PLIN3: variants seen among roughly 807,000 people sequenced by gnomAD.
PLIN3 encodes the protein perilipin-3.
A neutral mutation model predicts 35.9 loss-of-function variants in PLIN3; 30 were observed. The ratio of observed to expected loss-of-function variants is 0.84; its 90% confidence interval spans 0.62 to 1.13. The LOEUF (loss-of-function observed/expected upper bound fraction) is 1.13. PLIN3 is among the 50% of genes most tolerant of loss of function. The pLI is 0.00. For missense variants in PLIN3, 603 were observed against 596.9 expected (o/e 1.01, Z -0.11); for synonymous variants, 261 against 262.5 (o/e 0.99, Z 0.06).
At chr19:4,863,996 G>A (rs1249438753) in intron 1 of PLIN3, among the ~76,000 whole-genome samples, 1 of 151,892 alleles carries the variant, frequency 6.6e-6, no homozygotes, top group African/African-American at 2.4e-5. Flanking sequence ...GTAGTGGTGC[G>A]ATCTTGGCTC....
chr19:4,861,343 C>G lies in PLIN3; in HGVS notation c.52G>C (p.Glu18Gln). Residue 18 changes from glutamate (E) to glutamine (Q), a missense_variant, in exon 2 of 8, where the codon GAA (glutamate) becomes CAA (glutamine). Coordinates refer to ENST00000221957, the MANE Select transcript of PLIN3 (RefSeq NM_005817.5). ...CCCTTCCTCACCTGCTGTACCGGTT[C>G]TTCCACTGTCACCTGGGTGCTGCCA... ...ADGSTQVTVE[E>Q]PVQQPSVVDR... is the part of the protein sequence containing the mutation. The G allele has an allele frequency of 6.2e-7, 1 of 1,613,420 alleles. No individual in the cohort carries two copies. Among genetic ancestry groups the G allele is most frequent in the South Asian group, 1.1e-5 (1 of 90,994 alleles).
rs186210004 is a variant in PLIN3, at chr19:4,839,170, C to T, written c.*22G>A. 1.3e-4 allele frequency: 209 copies of T among 1,566,662 alleles called. 2 individuals are homozygous for T. The East Asian group carries it at 4.2e-3, about 31-fold the overall frequency. On this transcript the variant is annotated 3_prime_UTR_variant, in exon 8 of 8. Coordinates refer to ENST00000221957, the MANE Select transcript of PLIN3 (RefSeq NM_005817.5). ...ACAGCTGCATTATAGAGACGGGGCC[C>T]GCTGAGTCCTCTCCTCTCCCCCTAC... is the stretch of plus-strand genomic sequence containing the variant.
intron 7 of PLIN3, among the ~76,000 whole-genome samples, chr19:4,843,292 G>A (rs2029967675): frequency 6.6e-6 from 1 of 151,802 alleles, no homozygotes; most frequent in South Asian, 2.1e-4. Flanking sequence ...GGATCACAAG[G>A]TCAGCAGATC....
At chr19:4,843,629 C>T (rs767652962) in intron 7 of PLIN3, among the ~76,000 whole-genome samples, 57 of 151,928 alleles carry the variant, frequency 3.8e-4, no homozygotes, top group Admixed American at 7.2e-4. Context: ...ACCAGGAGCT[C>T]AAGACCAGCC....
chr19:4,865,184 T>C lies in PLIN3; in HGVS notation c.-18+2425A>G, dbSNP rs540281359. Reference sequence around the variant, plus strand: ...TCCAGCCTGGGTGACAGAGGAAGACTCCATCTCAAAGAAAAAAGAAAAAGC... The same window carrying C: ...TCCAGCCTGGGTGACAGAGGAAGACCCCATCTCAAAGAAAAAAGAAAAAGC... On this transcript the variant is annotated intron_variant, in intron 1 of 7. Transcript: ENST00000221957. 1.0e-4 allele frequency among the ~76,000 whole-genome samples: 15 copies of C among 150,228 alleles called. No homozygotes were observed. In the South Asian group the frequency reaches 3.2e-3, roughly 32 times the overall value.
chr19:4,857,216 T>A (rs954117041), intron 4 of PLIN3, among the ~76,000 whole-genome samples: 1 of 152,114 alleles, frequency 6.6e-6, no homozygotes, highest in East Asian at 1.9e-4. Flanking sequence ...GGCAGGAGGA[T>A]TGCTTGAGCC....
intron 4 of PLIN3, among the ~76,000 whole-genome samples, chr19:4,857,293 C>A (rs10415753): frequency 0.025 from 3,785 of 151,866 alleles, 151 homozygotes; most frequent in African/African-American, 0.085. Context: ...CAAAAATTAG[C>A]CAGGCGTGGT....
Position 4,861,370 on chromosome 19 carries a change from C to T in PLIN3, c.25G>A (p.Asp9Asn), listed in dbSNP as rs141858591. MSADGAEA[D>N]GSTQVTVEEP... ...TCCACTGTCACCTGGGTGCTGCCAT[C>T]AGCCTCTGCCCCGTCGGCAGACATG... Residue 9 changes from aspartate (D) to asparagine (N), a missense_variant, in exon 2 of 8, where the codon GAT (aspartate) becomes AAT (asparagine). Asp to Asn is a conservative substitution (Grantham distance 23). Coordinates refer to ENST00000221957, the MANE Select transcript of PLIN3 (RefSeq NM_005817.5). The T allele has an allele frequency of 1.4e-5, 23 of 1,613,518 alleles. No individual in the cohort carries two copies. The African/African-American group carries it at 2.9e-4, about 21-fold the overall frequency.
chr19:4,864,818 G>A (rs2030796845), intron 1 of PLIN3, among the ~76,000 whole-genome samples: 1 of 152,120 alleles, frequency 6.6e-6, no homozygotes, highest in Non-Finnish European at 1.5e-5. Flanking sequence ...GGGAAGCCAG[G>A]AGTCCCAGCT....
chr19:4,857,420 T>C (rs1028326888), intron 4 of PLIN3, among the ~76,000 whole-genome samples: 10 of 151,188 alleles, frequency 6.6e-5, no homozygotes, highest in Non-Finnish European at 4.4e-5. Flanking sequence ...AAATTAAAAA[T>C]AGCCAGGCAT....
chr19:4,844,145 G>A (rs913542122), intron 7 of PLIN3, among the ~76,000 whole-genome samples: 1 of 151,980 alleles, frequency 6.6e-6, no homozygotes, highest in Non-Finnish European at 1.5e-5. Context: ...ATAGAGTGGA[G>A]GGGGCCGGAG....
intron 4 of PLIN3, 78 bp from the exon 5 acceptor site, chr19:4,852,379 G>A (rs1599166822): frequency 6.6e-7 from 1 of 1,519,844 alleles, no homozygotes; most frequent in Non-Finnish European, 8.8e-7. Context: ...CAACTTCCAG[G>A]GAGACCGAGG....
intron 4 of PLIN3, among the ~76,000 whole-genome samples, chr19:4,854,463 G>T (rs1379324529): frequency 2.0e-5 from 3 of 151,898 alleles, no homozygotes; most frequent in Non-Finnish European, 2.9e-5. Context: ...GAGTGCAGTG[G>T]CACTATCTCG....
intron 4 of PLIN3, 137 bp downstream of exon 4, chr19:4,859,453 C>T (rs1197326983): frequency 8.1e-6 from 6 of 737,690 alleles, no homozygotes; most frequent in African/African-American, 1.7e-5. Flanking sequence ...GGAGTGGATT[C>T]GGGGTGGGGA....
intron 1 of PLIN3, among the ~76,000 whole-genome samples, 177 bp downstream of exon 1, chr19:4,867,432 G>C (rs1349642997): frequency 1.3e-5 from 2 of 152,172 alleles, no homozygotes; most frequent in East Asian, 3.9e-4. Flanking sequence ...CGTTGCAGAA[G>C]TTGGATTTTT....
At chr19:4,858,894 G>C (rs1233874412) in intron 4 of PLIN3, among the ~76,000 whole-genome samples, 2 of 150,956 alleles carry the variant, frequency 1.3e-5, no homozygotes, top group African/African-American at 4.9e-5. Flanking sequence ...TAGAGACGGG[G>C]TTTCTCCATG....
At chr19:4,843,495 G>C (rs947750312) in intron 7 of PLIN3, among the ~76,000 whole-genome samples, 1 of 100,990 alleles carries the variant, frequency 9.9e-6, no homozygotes, top group East Asian at 2.2e-4. Context: ...GTGACAGAGC[G>C]AGACTCCATC....
intron 6 of PLIN3, among the ~76,000 whole-genome samples, chr19:4,845,455 A>T (rs915227546): frequency 2.6e-5 from 4 of 152,070 alleles, no homozygotes; most frequent in African/African-American, 9.6e-5. Context: ...AACAAAAAAA[A>T]GTGCTTGTAA....
intron 2 of PLIN3, among the ~76,000 whole-genome samples, chr19:4,860,260 G>A (rs2030629941): frequency 6.6e-6 from 1 of 152,206 alleles, no homozygotes; most frequent in South Asian, 2.1e-4. Context: ...GGGCTGGAGT[G>A]CACTGATGCG....
Sources: gnomAD v4.1 joint callset for allele counts (sites outside exome capture counted in the v4.1 genomes callset) on GRCh38, gnomAD v4.1.1 for gene constraint, MANE v1.5 for transcripts, NCBI Gene and HGNC (gene_info 2026-07-23, HGNC 2026-07-21) for gene names.